The following MEGF8 variants were observed in gnomAD, a reference collection of about 807,000 sequenced individuals.
MEGF8 encodes multiple EGF like domains 8.
Under a neutral mutation model 302.9 loss-of-function variants are expected in MEGF8, and 156 were observed. The ratio of observed to expected loss-of-function variants is 0.52; its 90% CI spans 0.45 to 0.59. The LOEUF is 0.59. Ranked by LOEUF, MEGF8 falls within the 20% of genes least tolerant of loss-of-function variation. The probability of loss-of-function intolerance (pLI) is 0.00; values close to 1 mark genes in which losing one functional copy is unlikely to be tolerated. For synonymous variants in MEGF8, 1,621 were observed against 1,660.5 expected, an observed-to-expected ratio of 0.98 and a Z score of 0.58; for missense variants, 3,345 against 3,964.5, an observed-to-expected ratio of 0.84 and a Z score of 4.20.
In MEGF8 at chr19:42,343,647, A is replaced by G. The variant is rs1373254672; in HGVS notation, c.1668+16A>G. ...TGCCCCTGACGTGAGCACTGGGGTG[A>G]CAGGGAAAGGGTGGCTGGGGGGAGG... On this transcript the variant is annotated intron_variant, in intron 9 of 41. Transcript: ENST00000251268. 1 of 1,589,382 alleles carries G rather than the reference A, an allele frequency of 6.3e-7. No individual in the cohort carries two copies. The highest frequency in any genetic ancestry group is 8.6e-7 in the Non-Finnish European group (1 of 1,165,334).
At chr19:42,332,743 T>G (rs1382891984) in intron 1 of MEGF8, among the ~76,000 whole-genome samples, 1 of 152,236 alleles carries the variant, frequency 6.6e-6, no homozygotes, top group Non-Finnish European at 1.5e-5. Flanking sequence ...AGTACAAGTC[T>G]TCTTATGATC....
At chr19:42,360,710 A>C (rs1397343743) in intron 31 of MEGF8, 65 bp from the exon 32 acceptor site, 1 of 1,542,352 alleles carries the variant, frequency 6.5e-7, no homozygotes, top group African/African-American at 1.4e-5. Context: ...GACTGGCATC[A>C]TGGTGTGGGT....
chr19:42,330,811 A>T (rs913895085), intron 1 of MEGF8, among the ~76,000 whole-genome samples: 1 of 152,160 alleles, frequency 6.6e-6, no homozygotes, highest in Non-Finnish European at 1.5e-5. Flanking sequence ...CATCTAACCC[A>T]GCTAGGGGGC....
Position 42,348,384 on chromosome 19 carries a change from C to G in MEGF8, c.2210C>G (p.Pro737Arg), listed in dbSNP as rs1223124013. The G allele has an allele frequency of 6.5e-7, 1 of 1,537,314 alleles. No individual in the cohort carries two copies. The highest frequency in any genetic ancestry group is 8.7e-7 in the Non-Finnish European group (1 of 1,146,904). ...ATGCTGCCTGGAGGGCCAGGTGGAC[C>G]AGGGGCTGAGGACGTGGCCGTGTGG... Reference protein sequence around the residue: ...YPMLPGGPGGPGAEDVAVWTR... With the variant: ...YPMLPGGPGGRGAEDVAVWTR... Residue 737 changes from proline to arginine, a missense_variant, in exon 13 of 42, where the codon CCA (proline) becomes CGA (arginine). Pro to Arg is a moderately radical substitution (Grantham distance 103). Coordinates refer to ENST00000251268, the MANE Select transcript of MEGF8 (RefSeq NM_001271938.2).
Position 42,362,383 on chromosome 19 carries a change from G to C in MEGF8, c.5845-1G>C. 2 of 1,613,874 alleles carry C rather than the reference G, an allele frequency of 1.2e-6. No homozygotes were observed. ...CCATCTAGCCTGTCTTCCCTCACCA[G>C]GCGTCCACCCCCCGCTGTAAGTGGT... is the stretch of plus-strand genomic sequence containing the variant. On this transcript the variant is annotated splice_acceptor_variant, in intron 33 of 41. Transcript: ENST00000251268. LOFTEE classifies it high-confidence loss of function.
rs1432454620 is a variant in MEGF8, at chr19:42,362,322, G to C, written c.5845-62G>C. 3 of 1,611,026 alleles carry C rather than the reference G, an allele frequency of 1.9e-6. No homozygotes were observed. In the East Asian group the frequency reaches 6.7e-5, roughly 36 times the overall value. ...CCACCCCAGGGTCTCAGGAACCACC[G>C]AGTTCTCAGCTGGCTCAGGAGGGGT... On this transcript the variant is annotated intron_variant, in intron 33 of 41. Transcript: ENST00000251268.
rs961326384 is a variant in MEGF8 at position 42,336,327 on chromosome 19, C to T, written c.1225C>T (p.His409Tyr). 2 of 1,600,598 alleles carry T rather than the reference C, an allele frequency of 1.2e-6. No homozygotes were observed. The highest frequency in any genetic ancestry group is 8.5e-7 in the Non-Finnish European group (1 of 1,175,002). Residue 409 changes from histidine (H) to tyrosine (Y), a missense_variant, in exon 6 of 42, where the codon CAC (histidine) becomes TAC (tyrosine). Physicochemically the swap from His to Tyr is moderately conservative, Grantham distance 83 (BLOSUM62 2). Coordinates refer to ENST00000251268, the MANE Select transcript of MEGF8 (RefSeq NM_001271938.2). The surrounding 1 kb of genome is among the most constrained non-coding windows in gnomAD (Gnocchi z 4.8). ...PSRALLVHGG[H>Y]RPSTARFSVR... ...CCGTGCCCTGCTGGTCCATGGTGGA[C>T]ACCGGCCCTCCACTGCCCGGTAAGT... is the stretch of plus-strand genomic sequence containing the variant.
chr19:42,359,105 C>T lies in MEGF8; in HGVS notation c.5351C>T (p.Pro1784Leu), dbSNP rs1297229430. ...CCCCCGTCTCCCCAACAGCCCCGCC[C>T]CCGGCTTTTCCACGCCTCAGCCCTG... ...EISPHLKEPR[P>L]RLFHASALLG... The change falls in exon 31 of 42, where the codon CCC (proline) becomes CTC (leucine). Residue 1784 changes from proline (P) to leucine (L), a missense_variant. Physicochemically the swap from Pro to Leu is moderately conservative, Grantham distance 98 (BLOSUM62 -3). Transcript: ENST00000251268. The T allele has an allele frequency of 1.9e-5, 29 of 1,533,678 alleles. No individual in the cohort carries two copies. The highest frequency in any genetic ancestry group is 2.4e-5 in the Non-Finnish European group (27 of 1,140,016).
Position 42,343,613 on chromosome 19 carries a change from C to T in MEGF8, c.1650C>T (p.Phe550=). 6.2e-7 allele frequency: 1 copy of T among 1,609,092 alleles called. No individual in the cohort carries two copies. ...LMAYKVPPFV[F]QAPAPDYHLD... ...CGTACAAGGTGCCCCCCTTTGTGTT[C>T]CAGGCACCTGCCCCTGACGTGAGCA... is the stretch of plus-strand genomic sequence containing the variant. The change falls in exon 9 of 42, where the codon TTC becomes TTT. Residue 550 remains phenylalanine (F), a synonymous_variant. Coordinates refer to ENST00000251268, the MANE Select transcript of MEGF8 (RefSeq NM_001271938.2).
Position 42,336,991 on chromosome 19 carries a change from G to T in MEGF8, c.1390+39G>T. The stretch of plus-strand genomic sequence containing the variant: ...CCAATCCTGCCTGCCTGCCTGCTGA[G>T]GGCCTGAGCCAACCCTGAGCTGAGG... On this transcript the variant is annotated intron_variant, in intron 7 of 41. Transcript: ENST00000251268. The surrounding 1 kb of genome is among the most constrained non-coding windows in gnomAD (Gnocchi z 4.8). 7 of 1,613,582 alleles carry T rather than the reference G, an allele frequency of 4.3e-6. No individual in the cohort carries two copies. The highest frequency in any genetic ancestry group is 5.9e-6 in the Non-Finnish European group (7 of 1,179,716).
chr19:42,376,990 A>G lies in MEGF8; in HGVS notation c.*215A>G. ...AGGCACTGTCATAGGCGTGGGGCAA[A>G]GCAGGAACCAAGAGACGAGGTTCCC... is the stretch of plus-strand genomic sequence containing the variant. On this transcript the variant is annotated 3_prime_UTR_variant, in exon 42 of 42. Coordinates refer to ENST00000251268, the MANE Select transcript of MEGF8 (RefSeq NM_001271938.2). The surrounding 1 kb of genome is among the most constrained non-coding windows in gnomAD (Gnocchi z 8.2). The G allele has an allele frequency of 2.1e-6, 1 of 481,358 alleles. No individual in the cohort carries two copies. Among genetic ancestry groups the G allele is most frequent in the Non-Finnish European group, 3.5e-6 (1 of 287,100 alleles). 29.8% of individuals were successfully genotyped at this position (481,358 alleles called of 1,614,324 possible).
In MEGF8 at chr19:42,363,292, C is replaced by CAA. The variant is rs1044373656; in HGVS notation, c.6273+31_6273+32dup. On this transcript the variant is annotated intron_variant, in intron 35 of 41. Transcript: ENST00000251268. The stretch of plus-strand genomic sequence containing the variant: ...TGCACCTGGCCAGGACCGTGCCAGG[C>CAA]AAGGGCCCGGGCAGGTCTCCCTCCT... 3.2e-6 allele frequency: 5 copies of CAA among 1,552,246 alleles called. No homozygotes were observed. In the African/African-American group the frequency reaches 6.8e-5, roughly 21 times the overall value.
At chr19:42,335,885 C>T in intron 5 of MEGF8, 46 bp from the exon 6 acceptor site, 3 of 1,430,566 alleles carry the variant, frequency 2.1e-6, no homozygotes, top group Non-Finnish European at 1.8e-6. Flanking sequence ...CTGGCTCTGG[C>T]TCTCTTGCTG....
At chr19:42,333,879 G>A (rs948974211) in intron 2 of MEGF8, 111 bp downstream of exon 2, 9 of 1,530,304 alleles carry the variant, frequency 5.9e-6, no homozygotes, top group South Asian at 1.2e-5. Flanking sequence ...ACAAGGGAAG[G>A]TGGAGAGAGG....
At chr19:42,359,331 C>G in intron 31 of MEGF8, 89 bp downstream of exon 31, 15 of 1,296,038 alleles carry the variant, frequency 1.2e-5, no homozygotes, top group Non-Finnish European at 1.5e-5. Context: ...TTAGGAGTCA[C>G]TGGGCCCCTG....
Position 42,360,919 on chromosome 19 carries a change from G to A in MEGF8, c.5633G>A (p.Arg1878His), listed in dbSNP as rs756355683. 28 of 1,612,346 alleles carry A rather than the reference G, an allele frequency of 1.7e-5. No individual in the cohort carries two copies. The highest frequency in any genetic ancestry group is 4.5e-5 in the East Asian group (2 of 44,862). Reference sequence around the variant, plus strand: ...CTGACCCTGCCCCCTGACCCCTGCCGCCTGCTGTCCTCACCTGAAGCTTGT... The same window carrying A: ...CTGACCCTGCCCCCTGACCCCTGCCACCTGCTGTCCTCACCTGAAGCTTGT... The part of the protein sequence containing the change: ...LALTLPPDPC[R>H]LLSSPEACNQ... Residue 1878 changes from arginine (R) to histidine (H), a missense_variant, in exon 32 of 42, where the codon CGC becomes CAC. By Grantham distance (29) the Arg-to-His change is conservative. Coordinates refer to ENST00000251268, the MANE Select transcript of MEGF8 (RefSeq NM_001271938.2).
chr19:42,361,113 G>T (rs1424291925), intron 32 of MEGF8, 107 bp downstream of exon 32: 1 of 1,207,514 alleles, frequency 8.3e-7, no homozygotes, highest in Non-Finnish European at 1.1e-6. Context: ...GTCTGGTTCA[G>T]GAAAGGGGTG....
At position 42,354,461 on chromosome 19, in the gene MEGF8, TG is replaced by T. The variant is rs771611998; in HGVS notation, c.4012-125del. ...TATGCCATAGTTTGACAGTCTCCCC[TG>T]GATGTTCAAACAGCCCATTTCCCAG... On this transcript the variant is annotated intron_variant, in intron 22 of 41. Transcript: ENST00000251268. The surrounding 1 kb of genome is among the most constrained non-coding windows in gnomAD (Gnocchi z 4.3). 25 of 1,099,230 alleles carry T rather than the reference TG, an allele frequency of 2.3e-5. No homozygotes were observed. Among genetic ancestry groups the T allele is most frequent in the Non-Finnish European group, 3.3e-5 (25 of 757,928 alleles). 68.1% of individuals were successfully genotyped at this position (1,099,230 alleles called of 1,614,324 possible). A position where few individuals can be genotyped will look rare whatever the true frequency, so the allele number is the denominator to read the frequency against.
In MEGF8 at chr19:42,336,857, T is replaced by G. The variant is rs2039135350; in HGVS notation, c.1295T>G (p.Val432Gly). The G allele has an allele frequency of 3.1e-6, 5 of 1,611,480 alleles. No individual in the cohort carries two copies. The highest frequency in any genetic ancestry group is 4.2e-6 in the Non-Finnish European group (5 of 1,178,964). Reference sequence around the variant, plus strand: ...GAGCTTTTCCACGTGGATCGGCATGTGTGGACGACGCTGAAGGGGCGGGAT... The same window carrying G: ...GAGCTTTTCCACGTGGATCGGCATGGGTGGACGACGCTGAAGGGGCGGGAT... The part of the protein sequence containing the change: ...STELFHVDRH[V>G]WTTLKGRDGL... Residue 432 changes from valine (V) to glycine (G), a missense_variant, in exon 7 of 42, where the codon GTG becomes GGG. Val to Gly is a moderately radical substitution (Grantham distance 109, BLOSUM62 -3). Coordinates refer to ENST00000251268, the MANE Select transcript of MEGF8 (RefSeq NM_001271938.2). This position sits in a 1 kb window ranked among gnomAD's most constrained non-coding sequence, Gnocchi z 4.8.
Sources: allele counts gnomAD v4.1 joint callset (sites outside exome capture counted in the v4.1 genomes callset), GRCh38; gene constraint gnomAD v4.1.1; non-coding constraint Gnocchi (gnomAD v3.1); transcripts MANE v1.5; gene names NCBI Gene and HGNC (gene_info 2026-07-23, HGNC 2026-07-21).